Variants in RFX3 observed in about 807,000 individuals in gnomAD.
RFX3 encodes the protein transcription factor RFX3.
RFX3 carries 14 observed loss-of-function variants against 98.6 expected under a neutral mutation model. That is an observed-to-expected ratio of 0.14 (90% CI 0.09 to 0.22). RFX3 has a LOEUF of 0.22. RFX3 is among the 10% of genes least tolerant of loss of function. The probability of loss-of-function intolerance (pLI) is 1.00; values close to 1 mark genes in which losing one functional copy is unlikely to be tolerated. For synonymous variants in RFX3, 383 were observed against 328.4 expected (o/e 1.17, Z -1.80); for missense variants, 639 against 926.9 (o/e 0.69, Z 4.03).
At chr9:3,505,883 G>C (rs980503381) in intron 1 of RFX3, among the ~76,000 whole-genome samples, 11 of 151,440 alleles carry the variant, frequency 7.3e-5, no homozygotes, top group African/African-American at 2.2e-4. Flanking sequence ...CCAATTGTTT[G>C]AATGTGAGTT....
intron 4 of RFX3, among the ~76,000 whole-genome samples, chr9:3,329,752 G>A (rs894933118): frequency 3.3e-5 from 5 of 152,086 alleles, no homozygotes; most frequent in African/African-American, 9.7e-5. Flanking sequence ...AATAATACAG[G>A]TGGCATGAGA....
At chr9:3,509,808 A>C (rs1817486838) in intron 1 of RFX3, among the ~76,000 whole-genome samples, 1 of 149,824 alleles carries the variant, frequency 6.7e-6, no homozygotes, top group Non-Finnish European at 1.5e-5. Context: ...CTTTAAAAAA[A>C]GTTTTGTATT....
intron 2 of RFX3, among the ~76,000 whole-genome samples, chr9:3,362,076 G>A (rs1836525036): frequency 6.6e-6 from 1 of 152,122 alleles, no homozygotes; most frequent in Non-Finnish European, 1.5e-5. Context: ...CATGAGCACA[G>A]GATCACAGAG....
chr9:3,278,141 T>C (rs555320926), intron 7 of RFX3, among the ~76,000 whole-genome samples: 19 of 152,014 alleles, frequency 1.2e-4, no homozygotes, highest in African/African-American at 4.6e-4. Context: ...ACTTATGTAT[T>C]TTCCATACAG....
intron 2 of RFX3, among the ~76,000 whole-genome samples, chr9:3,390,842 C>G (rs2131854843): frequency 6.6e-6 from 1 of 152,168 alleles, no homozygotes; most frequent in South Asian, 2.1e-4. Flanking sequence ...TATAAATTAC[C>G]CAGTCTCATG....
chr9:3,323,906 G>C (rs573017686), intron 4 of RFX3: 13 of 296,440 alleles, frequency 4.4e-5, no homozygotes, highest in Admixed American at 2.8e-4. Flanking sequence ...GGCTGGAGCA[G>C]TGTGGAACTG....
intron 2 of RFX3, among the ~76,000 whole-genome samples, chr9:3,380,094 G>A: frequency 6.6e-6 from 1 of 151,676 alleles, no homozygotes; most frequent in East Asian, 1.9e-4. Flanking sequence ...GCCTGGTGAA[G>A]TTTTTGTATT....
intron 1 of RFX3, among the ~76,000 whole-genome samples, chr9:3,510,119 C>T (rs940337073): frequency 6.6e-6 from 1 of 152,028 alleles, no homozygotes. Flanking sequence ...AGTCCCATGG[C>T]TGTCTCTTTT....
intron 11 of RFX3, among the ~76,000 whole-genome samples, chr9:3,267,865 G>A (rs772673151): frequency 1.3e-5 from 2 of 151,662 alleles, no homozygotes; most frequent in African/African-American, 2.4e-5. Context: ...GTTCATTTTG[G>A]CAATCTGCAT....
intron 11 of RFX3, among the ~76,000 whole-genome samples, chr9:3,269,747 A>G (rs1176857610): frequency 6.6e-6 from 1 of 152,188 alleles, no homozygotes; most frequent in Non-Finnish European, 1.5e-5. Flanking sequence ...TTTTCTCTCA[A>G]AATGCCAGTT....
intron 14 of RFX3, among the ~76,000 whole-genome samples, chr9:3,254,073 AT>A (rs747755317): frequency 4.6e-5 from 7 of 152,170 alleles, no homozygotes; most frequent in Non-Finnish European, 8.8e-5. Flanking sequence ...CTATAATAGT[AT>A]CTAATAATAA....
chr9:3,263,765 T>C (rs1446845978), intron 12 of RFX3, among the ~76,000 whole-genome samples: 2 of 152,198 alleles, frequency 1.3e-5, no homozygotes, highest in African/African-American at 4.8e-5. Flanking sequence ...GGAAGATTGA[T>C]CCGAATGGAC....
At chr9:3,508,956 G>GACACAC (rs373440025) in intron 1 of RFX3, among the ~76,000 whole-genome samples, 5 of 147,738 alleles carry the variant, frequency 3.4e-5, no homozygotes, top group Non-Finnish European at 4.5e-5. Flanking sequence ...GTAAAACACA[G>GACACAC]ACACACACAC....
chr9:3,235,965 T>A (rs967670887), intron 15 of RFX3, among the ~76,000 whole-genome samples: 1 of 152,190 alleles, frequency 6.6e-6, no homozygotes, highest in African/African-American at 2.4e-5. Flanking sequence ...ATACATAAGT[T>A]ATTTTTTTAA....
chr9:3,364,927 G>C (rs1489668248), intron 2 of RFX3: 2 of 152,134 alleles, frequency 1.3e-5, no homozygotes, highest in Non-Finnish European at 2.9e-5. Flanking sequence ...TATGTCAAGA[G>C]ATGCTGGCTT....
chr9:3,261,764 G>A (rs1331242964), intron 13 of RFX3, among the ~76,000 whole-genome samples: 1 of 152,112 alleles, frequency 6.6e-6, no homozygotes, highest in Non-Finnish European at 1.5e-5. Context: ...ATTCTGACCA[G>A]CAGTGTATGA....
chr9:3,305,157 T>A (rs1026272944), intron 4 of RFX3, among the ~76,000 whole-genome samples: 3 of 151,978 alleles, frequency 2.0e-5, no homozygotes, highest in Admixed American at 2.0e-4. Flanking sequence ...TGTCCATATT[T>A]GGGAAATGGC....
intron 14 of RFX3, among the ~76,000 whole-genome samples, chr9:3,250,177 A>G (rs1245251811): frequency 1.3e-5 from 2 of 151,936 alleles, no homozygotes; most frequent in Non-Finnish European, 2.9e-5. Context: ...ACAACACAAA[A>G]ATAAAAAGAA....
At chr9:3,240,278 C>T (rs1027128579) in intron 15 of RFX3, among the ~76,000 whole-genome samples, 1 of 152,154 alleles carries the variant, frequency 6.6e-6, no homozygotes, top group Non-Finnish European at 1.5e-5. Context: ...CACATGGTAT[C>T]CTGGGCCCTG....
Sources: gnomAD v4.1 joint callset for allele counts (sites outside exome capture counted in the v4.1 genomes callset) on GRCh38, gnomAD v4.1.1 for gene constraint, MANE v1.5 for transcripts, NCBI Gene and HGNC (gene_info 2026-07-23, HGNC 2026-07-21) for gene names.